ITPR3: variants seen among roughly 807,000 people sequenced by gnomAD.
The protein encoded by ITPR3 is inositol 1,4,5-trisphosphate receptor type 3, also known as inositol 1,4,5-trisphosphate-gated calcium channel ITPR3.
ITPR3 carries 173 observed loss-of-function variants against 293.2 expected under a neutral mutation model. The observed-to-expected ratio is 0.59, with a 90% CI of 0.52 to 0.67. The LOEUF (loss-of-function observed/expected upper bound fraction) is 0.67. Among genes scored for constraint, ITPR3 ranks in the 30% least tolerant of loss-of-function variants. The pLI is 0.00. For synonymous variants in ITPR3, 1,295 were observed against 1,444.4 expected (o/e 0.90, Z 2.35); for missense variants, 2,796 against 3,592.1 (o/e 0.78, Z 5.66).
chr6:33,683,469 G>A lies in ITPR3; in HGVS notation c.4788+72G>A, dbSNP rs1344397741. The stretch of plus-strand genomic sequence containing the variant: ...AGTCAGCAGCTCCCCTACTTTGGAG[G>A]GGCAAGTTCTCGGGGAGTGTTTCTT... On this transcript the variant is annotated intron_variant, in intron 35 of 57. Coordinates refer to ENST00000605930, the MANE Select transcript of ITPR3 (RefSeq NM_002224.4). This position sits in a 1 kb window ranked among gnomAD's most constrained non-coding sequence, Gnocchi z 4.5. 1.6e-6 allele frequency: 2 copies of A among 1,275,074 alleles called. No individual in the cohort carries two copies. Among genetic ancestry groups the A allele is most frequent in the East Asian group, 2.8e-5 (1 of 35,294 alleles). 79.0% of individuals were successfully genotyped at this position (1,275,074 alleles called of 1,614,324 possible).
chr6:33,652,744 A>C (rs760505776), intron 2 of ITPR3, among the ~76,000 whole-genome samples: 27 of 152,106 alleles, frequency 1.8e-4, no homozygotes. Context: ...GATTACAGGC[A>C]TGAGCCACCG....
chr6:33,653,027 TC>T (rs1764227799), intron 2 of ITPR3, among the ~76,000 whole-genome samples: 2 of 152,020 alleles, frequency 1.3e-5, no homozygotes, highest in Non-Finnish European at 2.9e-5. Context: ...TCTGCCTTAG[TC>T]CCCCAAGTAG....
chr6:33,692,960 G>A lies in ITPR3; in HGVS notation c.7624+67G>A, dbSNP rs1561885017. ...GGAACGTCATCTGATGCCAGTGGCA[G>A]TAGCGGTTTGGCCCTTCCTGCCCTG... is the stretch of plus-strand genomic sequence containing the variant. On this transcript the variant is annotated intron_variant, in intron 55 of 57. Coordinates refer to ENST00000605930, the MANE Select transcript of ITPR3 (RefSeq NM_002224.4). This position sits in a 1 kb window ranked among gnomAD's most constrained non-coding sequence, Gnocchi z 4.2. The A allele has an allele frequency of 1.3e-6, 2 of 1,553,584 alleles. No individual in the cohort carries two copies. The highest frequency in any genetic ancestry group is 1.8e-5 in the Admixed American group (1 of 56,876).
At chr6:33,642,459 G>A (rs976849092) in intron 2 of ITPR3, among the ~76,000 whole-genome samples, 1 of 152,130 alleles carries the variant, frequency 6.6e-6, no homozygotes, top group African/African-American at 2.4e-5. Flanking sequence ...TGCCAGGACC[G>A]GAAGGGGAAG....
chr6:33,688,036 C>CCG, intron 46 of ITPR3, 21 bp from the exon 47 acceptor site: 1 of 1,599,238 alleles, frequency 6.3e-7, no homozygotes. Flanking sequence ...GGCCTGACCT[C>CCG]CGCGCCCTCC....
intron 55 of ITPR3, among the ~76,000 whole-genome samples, chr6:33,693,234 C>T (rs1765442686): frequency 6.6e-6 from 1 of 152,230 alleles, no homozygotes; most frequent in Non-Finnish European, 1.5e-5. Flanking sequence ...AGGCAGGTGT[C>T]ACCTGTATGG....
At position 33,683,973 on chromosome 6, in the gene ITPR3, C is replaced by CATT; in HGVS notation, c.4789-47_4789-46insATT. ...GGGTCGGAGGAATGGCAGTCACACCCGGGTCATTTCTTGGGCCTGGCAATG... is the reference window on the plus strand; with the variant it reads ...GGGTCGGAGGAATGGCAGTCACACCCATTGGGTCATTTCTTGGGCCTGGCAATG... On this transcript the variant is annotated intron_variant, in intron 35 of 57. Transcript: ENST00000605930. The surrounding 1 kb of genome is among the most constrained non-coding windows in gnomAD (Gnocchi z 4.5). 1 of 1,551,532 alleles carries CATT rather than the reference C, an allele frequency of 6.4e-7. No individual in the cohort carries two copies. Among genetic ancestry groups the CATT allele is most frequent in the South Asian group, 1.2e-5 (1 of 83,488 alleles).
At chr6:33,695,179 C>A (rs1765507041) in intron 57 of ITPR3, 94 bp downstream of exon 57, 1 of 1,358,452 alleles carries the variant, frequency 7.4e-7, no homozygotes, top group South Asian at 1.3e-5. Context: ...CTCTTCCCCA[C>A]TGGCCTCTGG....
In ITPR3 at chr6:33,689,220, C is replaced by G. The variant is rs1438041091; in HGVS notation, c.6695-18C>G. 1.9e-6 allele frequency: 3 copies of G among 1,605,436 alleles called. No individual in the cohort carries two copies. In the African/African-American group the frequency reaches 4.0e-5, roughly 21 times the overall value. On this transcript the variant is annotated intron_variant, in intron 49 of 57. Coordinates refer to ENST00000605930, the MANE Select transcript of ITPR3 (RefSeq NM_002224.4). ...GTGGGCTTGAGGGAGCCCTGCTCAC[C>G]CTGCCCCTGGCCCCCAGGCGTGCTG... is the stretch of plus-strand genomic sequence containing the variant.
intron 33 of ITPR3, among the ~76,000 whole-genome samples, chr6:33,681,496 A>T (rs981083705): frequency 6.6e-6 from 1 of 152,242 alleles, no homozygotes; most frequent in African/African-American, 2.4e-5. Flanking sequence ...CGAAAGATTC[A>T]TGGCTCCTTG....
rs1013166176 is a variant in ITPR3 at position 33,673,844 on chromosome 6, C to G, written c.3058+124C>G. 1.8e-5 allele frequency: 20 copies of G among 1,142,238 alleles called. No individual in the cohort carries two copies. The Admixed American group carries it at 5.1e-4, about 29-fold the overall frequency. The allele number at this position is 1,142,238 out of a possible 1,614,324, so 70.8% of individuals were successfully genotyped here. A position where few individuals can be genotyped will look rare whatever the true frequency, so the allele number is the denominator to read the frequency against. On this transcript the variant is annotated intron_variant, in intron 23 of 57. Transcript: ENST00000605930. ...AGTCTGCAAAGGCCTTTTCTTTCCA[C>G]TGTCTCATTTAATTGCCTCAGTGAG...
In ITPR3 at chr6:33,683,467, A is replaced by G; in HGVS notation, c.4788+70A>G. The stretch of plus-strand genomic sequence containing the variant: ...TGAGTCAGCAGCTCCCCTACTTTGG[A>G]GGGGCAAGTTCTCGGGGAGTGTTTC... On this transcript the variant is annotated intron_variant, in intron 35 of 57. Transcript: ENST00000605930. The surrounding 1 kb of genome is among the most constrained non-coding windows in gnomAD (Gnocchi z 4.5). 2 of 1,271,422 alleles carry G rather than the reference A, an allele frequency of 1.6e-6. No individual in the cohort carries two copies. The highest frequency in any genetic ancestry group is 2.9e-5 in the Admixed American group (1 of 34,294). The allele number at this position is 1,271,422 out of a possible 1,614,324, so 78.8% of individuals were successfully genotyped here.
At chr6:33,643,663 A>G (rs930118674) in intron 2 of ITPR3, among the ~76,000 whole-genome samples, 1 of 152,030 alleles carries the variant, frequency 6.6e-6, no homozygotes, top group African/African-American at 2.4e-5. Context: ...GGACCTGGGT[A>G]GCCCTTGTCT....
intron 1 of ITPR3, among the ~76,000 whole-genome samples, chr6:33,634,591 CT>C (rs2151284034): frequency 1.3e-5 from 2 of 152,278 alleles, no homozygotes; most frequent in Non-Finnish European, 2.9e-5. Flanking sequence ...CCGTGCTCCC[CT>C]TCTGACCGGT....
chr6:33,694,013 C>G (rs572743380), intron 56 of ITPR3, among the ~76,000 whole-genome samples: 1 of 152,200 alleles, frequency 6.6e-6, no homozygotes, highest in African/African-American at 2.4e-5. Flanking sequence ...ACCCATGCGC[C>G]CCGAAGAACA....
chr6:33,695,134 C>T, intron 57 of ITPR3, 49 bp downstream of exon 57: 2 of 1,590,210 alleles, frequency 1.3e-6, no homozygotes, highest in Non-Finnish European at 1.7e-6. Context: ...TATCCCTGGG[C>T]AGTCCCTGCC....
Position 33,688,653 on chromosome 6 carries a change from C to G in ITPR3, c.6569-3C>G. The G allele has an allele frequency of 6.2e-7, 1 of 1,614,072 alleles. No homozygotes were observed. Among genetic ancestry groups the G allele is most frequent in the South Asian group, 1.1e-5 (1 of 91,068 alleles). ...AGCAGCTCACCGTTGCCCTCCTCTT[C>G]AGGCATGCCGCTGATCTACTGGTTC... On this transcript the variant is annotated splice_polypyrimidine_tract_variant and splice_region_variant and intron_variant, in intron 48 of 57. Coordinates refer to ENST00000605930, the MANE Select transcript of ITPR3 (RefSeq NM_002224.4).
In ITPR3 at chr6:33,659,119, G is replaced by A. The variant is rs61757118; in HGVS notation, c.627G>A (p.Glu209=). The change falls in exon 6 of 58, where the codon GAG becomes GAA. Residue 209 remains glutamate, a splice_region_variant and synonymous_variant. Transcript: ENST00000605930. ...YELSDNAGCK[E]VNSVNCNTSW... is the part of the protein sequence containing the mutation. ...TCAGCGACAACGCCGGCTGCAAGGA[G>A]GTGAGGGGGTGGGGGGTCAGCCATG... 78 of 1,613,708 alleles carry A rather than the reference G, an allele frequency of 4.8e-5. 1 individual carries two copies. In the East Asian group the frequency reaches 1.7e-3, roughly 36 times the overall value.
intron 1 of ITPR3, among the ~76,000 whole-genome samples, chr6:33,629,641 C>T (rs1763627610): frequency 6.6e-6 from 1 of 152,024 alleles, no homozygotes; most frequent in African/African-American, 2.4e-5. Context: ...CCACCACGCC[C>T]AGCTAATTTT....
Sources: allele counts gnomAD v4.1 joint callset (sites outside exome capture counted in the v4.1 genomes callset), GRCh38; gene constraint gnomAD v4.1.1; non-coding constraint Gnocchi (gnomAD v3.1); transcripts MANE v1.5; gene names NCBI Gene and HGNC (gene_info 2026-07-23, HGNC 2026-07-21).